Variants in TAFA1 observed in about 807,000 individuals in gnomAD.
TAFA1 encodes TAFA chemokine like family member 1, also known as chemokine-like protein TAFA-1.
Under a neutral mutation model 18.5 loss-of-function variants are expected in TAFA1, and 4 were observed. That is an observed-to-expected ratio of 0.22 (90% confidence interval 0.11 to 0.49). The LOEUF is 0.49. Among genes scored for constraint, TAFA1 ranks in the 20% least tolerant of loss-of-function variants. The pLI is 0.98. For synonymous variants in TAFA1, 56 were observed against 55.2 expected (o/e 1.01, Z -0.06); for missense variants, 147 against 169.0 (o/e 0.87, Z 0.72).
intron 3 of TAFA1, among the ~76,000 whole-genome samples, chr3:68,451,660 G>A (rs191597758): frequency 3.9e-5 from 6 of 152,290 alleles, no homozygotes; most frequent in East Asian, 1.9e-4. Flanking sequence ...ACAGAAGTGG[G>A]ATTTGTATAG....
At chr3:68,265,021 G>C (rs1397740250) in intron 2 of TAFA1, among the ~76,000 whole-genome samples, 3 of 152,062 alleles carry the variant, frequency 2.0e-5, no homozygotes, top group Non-Finnish European at 4.4e-5. Flanking sequence ...TGCAAAAATT[G>C]TGGCTTTTAA....
intron 2 of TAFA1, among the ~76,000 whole-genome samples, chr3:68,327,824 C>T (rs978827546): frequency 6.6e-6 from 1 of 152,140 alleles, no homozygotes; most frequent in African/African-American, 2.4e-5. Flanking sequence ...TCATTTAAAG[C>T]ATGACATAGA....
intron 2 of TAFA1, among the ~76,000 whole-genome samples, chr3:68,257,617 A>G (rs929699432): frequency 6.6e-6 from 1 of 152,156 alleles, no homozygotes; most frequent in Non-Finnish European, 1.5e-5. Context: ...TGAGTTAATT[A>G]TCATTAATGT....
intron 2 of TAFA1, among the ~76,000 whole-genome samples, chr3:68,278,804 C>G (rs1225997412): frequency 6.6e-6 from 1 of 152,100 alleles, no homozygotes; most frequent in African/African-American, 2.4e-5. Flanking sequence ...TTCAGTAGGT[C>G]TGGGATGGGA....
chr3:68,493,505 G>C (rs1275552927), intron 3 of TAFA1, among the ~76,000 whole-genome samples: 4 of 152,174 alleles, frequency 2.6e-5, no homozygotes, highest in African/African-American at 9.7e-5. Flanking sequence ...TATATTCCCA[G>C]AATTGAAATT....
intron 3 of TAFA1, among the ~76,000 whole-genome samples, chr3:68,533,188 C>G (rs2073216199): frequency 6.6e-6 from 1 of 151,832 alleles, no homozygotes; most frequent in African/African-American, 2.4e-5. Flanking sequence ...ATACATAGGA[C>G]TGGGTAATTT....
At chr3:68,211,944 A>AT (rs2066602684) in intron 2 of TAFA1, among the ~76,000 whole-genome samples, 1 of 152,074 alleles carries the variant, frequency 6.6e-6, no homozygotes, top group African/African-American at 2.4e-5. Context: ...TGGGAATGAC[A>AT]TTTTAACATT....
intron 2 of TAFA1, among the ~76,000 whole-genome samples, chr3:68,239,086 A>G (rs954299470): frequency 3.9e-5 from 6 of 152,298 alleles, no homozygotes; most frequent in African/African-American, 1.4e-4. Flanking sequence ...TTGAGAAGCA[A>G]AGATTTGAAT....
Position 68,242,402 on chromosome 3 carries a change from A to G in TAFA1, c.119-174878A>G, listed in dbSNP as rs117210328. On this transcript the variant is annotated intron_variant, in intron 2 of 4. Transcript: ENST00000478136. ...ACAATCCTTCTTTTCTTAAATATTA[A>G]AAATGTGACATATGAAGCAACCATG... Among the ~76,000 whole-genome samples, 174 of 152,272 alleles carry G rather than the reference A, an allele frequency of 1.1e-3. 3 individuals are homozygous for G. In the East Asian group the frequency reaches 0.032, roughly 28 times the overall value.
intron 2 of TAFA1, among the ~76,000 whole-genome samples, chr3:68,309,220 C>G (rs1035649140): frequency 6.6e-6 from 1 of 152,028 alleles, no homozygotes; most frequent in Non-Finnish European, 1.5e-5. Flanking sequence ...CTAGAACATA[C>G]AAAGCATACG....
intron 2 of TAFA1, among the ~76,000 whole-genome samples, chr3:68,095,712 A>G (rs900616932): frequency 3.9e-5 from 6 of 152,158 alleles, no homozygotes; most frequent in African/African-American, 1.4e-4. Context: ...CTAATTCGTA[A>G]CATTTATTGA....
intron 3 of TAFA1, among the ~76,000 whole-genome samples, chr3:68,510,427 C>G (rs1377858346): frequency 6.6e-6 from 1 of 152,054 alleles, no homozygotes; most frequent in Non-Finnish European, 1.5e-5. Flanking sequence ...TCTTGAACTA[C>G]AGGAAGCACA....
chr3:68,115,372 C>T (rs1050852534), intron 2 of TAFA1, among the ~76,000 whole-genome samples: 5 of 152,050 alleles, frequency 3.3e-5, no homozygotes, highest in African/African-American at 2.4e-5. Context: ...CAGATGATAC[C>T]GCTACTATGT....
intron 3 of TAFA1, among the ~76,000 whole-genome samples, chr3:68,535,239 C>G (rs2073258329): frequency 6.6e-6 from 1 of 151,986 alleles, no homozygotes; most frequent in African/African-American, 2.4e-5. Context: ...ATTTTTGTTC[C>G]CTTTCAATAG....
intron 2 of TAFA1, among the ~76,000 whole-genome samples, chr3:68,069,520 A>C: frequency 6.6e-6 from 1 of 152,012 alleles, no homozygotes; most frequent in Non-Finnish European, 1.5e-5. Flanking sequence ...ACACAGCCAA[A>C]CCGTATCATT....
chr3:68,210,652 C>A (rs1035514341), intron 2 of TAFA1, among the ~76,000 whole-genome samples: 2 of 152,048 alleles, frequency 1.3e-5, no homozygotes, highest in African/African-American at 4.8e-5. Context: ...TCTTCCCAAG[C>A]TCTATTCAGT....
At chr3:68,001,614 G>T (rs1704284868), upstream of TAFA1, among the ~76,000 whole-genome samples, 1 of 145,382 alleles carries the variant, frequency 6.9e-6, no homozygotes, top group Non-Finnish European at 1.5e-5. Context: ...TTGTTTGTTT[G>T]GTGTTTACCT....
intron 2 of TAFA1, among the ~76,000 whole-genome samples, chr3:68,113,074 A>C (rs1045296269): frequency 1.3e-5 from 2 of 152,182 alleles, no homozygotes; most frequent in African/African-American, 4.8e-5. Flanking sequence ...GCTGATTCTA[A>C]AATGTATATG....
intron 2 of TAFA1, among the ~76,000 whole-genome samples, chr3:68,116,338 C>T (rs867878329): frequency 1.3e-5 from 2 of 152,132 alleles, no homozygotes. Context: ...TTATATTATA[C>T]ACATAAGGAA....
Sources: allele counts gnomAD v4.1 joint callset (sites outside exome capture counted in the v4.1 genomes callset), GRCh38; gene constraint gnomAD v4.1.1; transcripts MANE v1.5; gene names NCBI Gene and HGNC (gene_info 2026-07-23, HGNC 2026-07-21).